DNAH17: variants seen among roughly 807,000 people sequenced by gnomAD.
The protein encoded by DNAH17 is dynein axonemal heavy chain 17.
Under a neutral mutation model 485.6 loss-of-function variants are expected in DNAH17, and 376 were observed. The observed-to-expected ratio is 0.77, with a 90% confidence interval of 0.71 to 0.84. The LOEUF (loss-of-function observed/expected upper bound fraction) is 0.84. Among genes scored for constraint, DNAH17 ranks in the 40% least tolerant of loss-of-function variants. The pLI is 0.00. For synonymous variants in DNAH17, 3,031 were observed against 2,405.9 expected (o/e 1.26, Z -7.60); for missense variants, 6,370 against 5,839.3 (o/e 1.09, Z -2.96).
At chr17:78,543,262 G>A (rs1250849526) in intron 17 of DNAH17, among the ~76,000 whole-genome samples, 1 of 150,666 alleles carries the variant, frequency 6.6e-6, no homozygotes, top group East Asian at 2.0e-4. Flanking sequence ...TTACAGGCAT[G>A]TGCCAACGTG....
chr17:78,534,306 T>G (rs1230751234), intron 19 of DNAH17, among the ~76,000 whole-genome samples: 2 of 151,992 alleles, frequency 1.3e-5, no homozygotes, highest in Non-Finnish European at 2.9e-5. Context: ...ACCTCGTTGG[T>G]AAGGGGTGGC....
intron 25 of DNAH17, among the ~76,000 whole-genome samples, chr17:78,517,844 T>A (rs7216759): frequency 1.3e-5 from 2 of 152,128 alleles, no homozygotes; most frequent in Admixed American, 6.6e-5. Flanking sequence ...AACAAGACCA[T>A]GGAAGATTAC....
At chr17:78,471,756 G>A (rs55960293) in intron 54 of DNAH17, among the ~76,000 whole-genome samples, 17,853 of 152,010 alleles carry the variant, frequency 0.12, 1,130 homozygotes, top group South Asian at 0.2. Flanking sequence ...CACTGTGACC[G>A]CTGGGCTGTC....
intron 69 of DNAH17, among the ~76,000 whole-genome samples, chr17:78,448,626 GT>G (rs1433358262): frequency 2.0e-5 from 3 of 152,210 alleles, no homozygotes; most frequent in Admixed American, 6.5e-5. Flanking sequence ...TGGTTTGAAT[GT>G]GTTCCCCAAA....
intron 11 of DNAH17, among the ~76,000 whole-genome samples, chr17:78,565,611 G>C (rs2092251023): frequency 6.6e-6 from 1 of 152,166 alleles, no homozygotes; most frequent in Non-Finnish European, 1.5e-5. Context: ...AAGCAGTCAA[G>C]CCCAGAACTC....
rs370931769 is a variant in DNAH17, at chr17:78,502,675, G to T, written c.5106C>A (p.Ile1702=). 6 of 1,612,544 alleles carry T rather than the reference G, an allele frequency of 3.7e-6. No individual in the cohort carries two copies. The highest frequency in any genetic ancestry group is 2.2e-5 in the East Asian group (1 of 44,870). ...PAQVALTCTQ[I]WWTTEVGLAF... is the part of the protein sequence containing the mutation. ...CCAGGCCCACCTCGGTCGTCCACCA[G>T]ATCTGGGTGCAAGTCAGGGCCACCT... is the stretch of plus-strand genomic sequence containing the variant. The change falls in exon 33 of 81, where the codon ATC becomes ATA. Residue 1702 remains isoleucine, a synonymous_variant. Transcript: ENST00000389840.
At chr17:78,549,244 G>A (rs896319902) in intron 16 of DNAH17, among the ~76,000 whole-genome samples, 1 of 152,116 alleles carries the variant, frequency 6.6e-6, no homozygotes, top group Admixed American at 6.5e-5. Flanking sequence ...CCCTGATGAG[G>A]TTAGTGTCCT....
At chr17:78,481,802 G>A (rs2089361402) in intron 48 of DNAH17, among the ~76,000 whole-genome samples, 1 of 152,094 alleles carries the variant, frequency 6.6e-6, no homozygotes, top group Non-Finnish European at 1.5e-5. Flanking sequence ...ATCACTTGAG[G>A]TCAGGAGATC....
chr17:78,448,076 G>A (rs1379190915), intron 69 of DNAH17, among the ~76,000 whole-genome samples: 1 of 152,034 alleles, frequency 6.6e-6, no homozygotes, highest in African/African-American at 2.4e-5. Flanking sequence ...GAAGACTGAG[G>A]TAGGGGAACT....
intron 11 of DNAH17, among the ~76,000 whole-genome samples, chr17:78,565,149 A>G (rs1394545541): frequency 1.1e-4 from 16 of 148,332 alleles, no homozygotes; most frequent in Non-Finnish European, 2.2e-4. Context: ...AGAAATTCCT[A>G]CTTACCTGCA....
At chr17:78,575,203 A>G in intron 1 of DNAH17, 121 bp from the exon 2 acceptor site, 1 of 749,444 alleles carries the variant, frequency 1.3e-6, no homozygotes, top group Admixed American at 2.9e-5. Flanking sequence ...GTTGGTCGAG[A>G]GTGTGCAGTT....
chr17:78,495,810 C>A, intron 38 of DNAH17, 65 bp downstream of exon 38: 1 of 1,566,794 alleles, frequency 6.4e-7, no homozygotes, highest in Non-Finnish European at 8.7e-7. Context: ...CACTCCTTGG[C>A]ACTGGGACGT....
intron 11 of DNAH17, 37 bp downstream of exon 11, chr17:78,566,577 G>C (rs2092269950): frequency 7.0e-7 from 1 of 1,432,460 alleles, no homozygotes; most frequent in Admixed American, 1.9e-5. Flanking sequence ...CACAGTGCCA[G>C]GCTCCAGATC....
chr17:78,430,642 G>A (rs2086639859), intron 75 of DNAH17, among the ~76,000 whole-genome samples: 1 of 151,938 alleles, frequency 6.6e-6, no homozygotes, highest in Admixed American at 6.6e-5. Context: ...GTGCAATGGT[G>A]CAGTCTCTGC....
chr17:78,495,978 C>T lies in DNAH17; in HGVS notation c.5800G>A (p.Gly1934Arg), dbSNP rs1043170194. ...GTGGGAATGAGGCCTATGATCTCTC[C>T]CAGGAAATTGAATGCTTTTTTCTTG... ...RAKKKAFNFL[G>R]EIIGLIPTVG... Residue 1934 changes from glycine (G) to arginine (R), a missense_variant, in exon 38 of 81, where the codon GGA becomes AGA. By Grantham distance (125) the Gly-to-Arg change is moderately radical. Coordinates refer to ENST00000389840, the MANE Select transcript of DNAH17 (RefSeq NM_173628.4). The T allele has an allele frequency of 1.5e-5, 25 of 1,613,888 alleles. No individual in the cohort carries two copies. Among genetic ancestry groups the T allele is most frequent in the Non-Finnish European group, 1.9e-5 (23 of 1,179,822 alleles).
At chr17:78,451,140 G>A (rs1042739814) in intron 66 of DNAH17, among the ~76,000 whole-genome samples, 1 of 152,268 alleles carries the variant, frequency 6.6e-6, no homozygotes, top group Non-Finnish European at 1.5e-5. Context: ...AATGTGGCAG[G>A]TGCAAGGGCT....
rs1476213718 is a variant in DNAH17 at position 78,478,060 on chromosome 17, TCCACCATCACCA to T, written c.7992+953_7992+964del. 5.0e-4 allele frequency among the ~76,000 whole-genome samples: 29 copies of T among 57,446 alleles called. No individual in the cohort carries two copies. In the East Asian group the frequency reaches 0.015, roughly 30 times the overall value. 37.7% of individuals were successfully genotyped at this position (57,446 alleles called of 152,430 possible). A position where few individuals can be genotyped will look rare whatever the true frequency, so the allele number is the denominator to read the frequency against. ...CACCACCATCATTACCATTATCATC[TCCACCATCACCA>T]CCACCATCATCACCATCACCACCAC... On this transcript the variant is annotated intron_variant, in intron 51 of 80. Coordinates refer to ENST00000389840, the MANE Select transcript of DNAH17 (RefSeq NM_173628.4).
At chr17:78,453,654 C>A (rs558539556) in intron 64 of DNAH17, among the ~76,000 whole-genome samples, 189 bp from the exon 65 acceptor site, 2 of 152,340 alleles carry the variant, frequency 1.3e-5, no homozygotes, top group East Asian at 1.9e-4. Flanking sequence ...TTGTAAACTG[C>A]CCCCGTGCTC....
intron 54 of DNAH17, among the ~76,000 whole-genome samples, chr17:78,472,378 G>A (rs971420569): frequency 3.3e-5 from 5 of 151,938 alleles, no homozygotes; most frequent in Admixed American, 6.6e-5. Context: ...TGCGAGACAC[G>A]CAGCAAGGCC....
Sources: allele counts gnomAD v4.1 joint callset (sites outside exome capture counted in the v4.1 genomes callset), GRCh38; gene constraint gnomAD v4.1.1; transcripts MANE v1.5; gene names NCBI Gene and HGNC (gene_info 2026-07-23, HGNC 2026-07-21).